PPP2R2B: variants seen among roughly 807,000 people sequenced by gnomAD.
PPP2R2B encodes protein phosphatase 2 regulatory subunit Bbeta.
A neutral mutation model predicts 46.0 loss-of-function variants in PPP2R2B; 5 were observed. That is an observed-to-expected ratio of 0.11 (90% CI 0.06 to 0.23). The LOEUF is 0.23. PPP2R2B is among the 10% of genes least tolerant of loss of function. The probability of loss-of-function intolerance (pLI) is 1.00; values close to 1 mark genes in which losing one functional copy is unlikely to be tolerated. For synonymous variants in PPP2R2B, 215 were observed against 206.7 expected (o/e 1.04, Z -0.34); for missense variants, 367 against 575.0 (o/e 0.64, Z 3.70).
In PPP2R2B at chr5:146,867,821, C is replaced by T. The variant is rs145724948; in HGVS notation, c.70+10181G>A. Among the ~76,000 whole-genome samples, 413 of 152,256 alleles carry T rather than the reference C, an allele frequency of 2.7e-3. 2 individuals carry two copies. The highest frequency in any genetic ancestry group is 9.5e-3 in the African/African-American group (394 of 41,548). On this transcript the variant is annotated intron_variant, in intron 2 of 9. Coordinates refer to ENST00000394411, the MANE Select transcript of PPP2R2B (RefSeq NM_181675.4). ...TATAGGCTTATACTTCACCATATGC[C>T]CCAGAACTTCCTACATAGCACTTGG...
At chr5:146,936,868 T>G (rs988376636) in intron 1 of PPP2R2B, among the ~76,000 whole-genome samples, 2 of 151,918 alleles carry the variant, frequency 1.3e-5, no homozygotes, top group Non-Finnish European at 2.9e-5. Context: ...GCCAGGGTTT[T>G]TTTTTTTTTT....
chr5:146,680,439 A>C (rs1306337518), intron 5 of PPP2R2B, among the ~76,000 whole-genome samples: 1 of 151,698 alleles, frequency 6.6e-6, no homozygotes, highest in African/African-American at 2.4e-5. Context: ...AGATATACCT[A>C]ATGCTAGATG....
At chr5:146,688,465 C>T (rs1424141644) in intron 5 of PPP2R2B, among the ~76,000 whole-genome samples, 1 of 151,828 alleles carries the variant, frequency 6.6e-6, no homozygotes. Context: ...CAGGAATTTA[C>T]ATTTCCCAGT....
chr5:146,989,157 G>A (rs978437760), intron 1 of PPP2R2B, among the ~76,000 whole-genome samples: 1 of 151,980 alleles, frequency 6.6e-6, no homozygotes, highest in Non-Finnish European at 1.5e-5. Context: ...CTTCACTGTT[G>A]AATTCTACCA....
At chr5:146,814,816 C>T (rs193102566) in intron 2 of PPP2R2B, among the ~76,000 whole-genome samples, 42 of 152,296 alleles carry the variant, frequency 2.8e-4, no homozygotes, top group Admixed American at 1.4e-3. Context: ...CATGGAAAAA[C>T]CCCAAGTCAA....
upstream of PPP2R2B, among the ~76,000 whole-genome samples, chr5:147,058,797 C>A (rs2151906602): frequency 6.6e-6 from 1 of 152,276 alleles, no homozygotes; most frequent in South Asian, 2.1e-4. Context: ...CTCTTTGATT[C>A]TCTCAGCAAT....
At chr5:146,620,993 GGCAC>G (rs1156977535) in intron 7 of PPP2R2B, among the ~76,000 whole-genome samples, 2 of 152,236 alleles carry the variant, frequency 1.3e-5, no homozygotes, top group Non-Finnish European at 2.9e-5. Flanking sequence ...GAGAGGCACA[GGCAC>G]AGAAAGGGAG....
rs1181308139 is a variant in PPP2R2B at position 146,584,264 on chromosome 5, G to A, written c.*5683C>T. ...TGCCACCAGCAGTTTAACCAATGGG[G>A]CATGGAATATCTAAATTGGGGGACA... On this transcript the variant is annotated 3_prime_UTR_variant, in exon 10 of 10. Transcript: ENST00000394411. 1 of 152,194 alleles carries A rather than the reference G, an allele frequency of 6.6e-6. No homozygotes were observed. Among genetic ancestry groups the A allele is most frequent in the Non-Finnish European group, 1.5e-5 (1 of 68,040 alleles). The allele number at this position is 152,194 out of a possible 1,614,324, so 9.4% of individuals were successfully genotyped here. A position where few individuals can be genotyped will look rare whatever the true frequency, so the allele number is the denominator to read the frequency against.
intron 5 of PPP2R2B, among the ~76,000 whole-genome samples, chr5:146,684,898 C>A (rs901398602): frequency 1.3e-5 from 2 of 152,084 alleles, no homozygotes; most frequent in African/African-American, 2.4e-5. Flanking sequence ...AGTGACGAGG[C>A]CAGAAATTAT....
intron 2 of PPP2R2B, among the ~76,000 whole-genome samples, chr5:146,767,861 AC>A (rs1754586474): frequency 6.6e-6 from 1 of 152,086 alleles, no homozygotes; most frequent in Admixed American, 6.6e-5. Context: ...TAGTTCCACC[AC>A]CCTAAAAATG....
intron 2 of PPP2R2B, among the ~76,000 whole-genome samples, chr5:146,708,196 A>G (rs1021145545): frequency 6.6e-6 from 1 of 151,980 alleles, no homozygotes; most frequent in Non-Finnish European, 1.5e-5. Flanking sequence ...TTTCTACCAA[A>G]AATAAAAAAA....
intron 1 of PPP2R2B, among the ~76,000 whole-genome samples, chr5:146,944,310 AG>A (rs771184330): frequency 1.3e-5 from 2 of 152,140 alleles, no homozygotes; most frequent in Non-Finnish European, 2.9e-5. Flanking sequence ...CATTAATTGA[AG>A]GGAAGAGATT....
intron 2 of PPP2R2B, among the ~76,000 whole-genome samples, chr5:146,704,358 T>G (rs1425806769): frequency 5.3e-5 from 8 of 152,198 alleles, no homozygotes; most frequent in Admixed American, 5.2e-4. Context: ...GATAATAACG[T>G]CATTTGAAAT....
chr5:146,632,066 C>CG (rs1554116671), intron 7 of PPP2R2B, among the ~76,000 whole-genome samples: 3 of 123,778 alleles, frequency 2.4e-5, no homozygotes, highest in African/African-American at 8.8e-5. Context: ...GTTGTGCCCC[C>CG]CCCCCCGCCC....
intron 1 of PPP2R2B, among the ~76,000 whole-genome samples, chr5:146,936,666 GC>G (rs1473430500): frequency 6.6e-6 from 1 of 151,886 alleles, no homozygotes; most frequent in African/African-American, 2.4e-5. Context: ...CTCTCTCTGA[GC>G]CAAAAAAAGA....
At chr5:146,964,979 T>C (rs1355366684) in intron 1 of PPP2R2B, among the ~76,000 whole-genome samples, 2 of 152,136 alleles carry the variant, frequency 1.3e-5, no homozygotes, top group Admixed American at 1.3e-4. Flanking sequence ...ATACCATTTG[T>C]CTCTAACTTT....
At chr5:146,796,258 T>A (rs1756530106) in intron 2 of PPP2R2B, among the ~76,000 whole-genome samples, 1 of 152,162 alleles carries the variant, frequency 6.6e-6, no homozygotes, top group African/African-American at 2.4e-5. Flanking sequence ...TATGCTCCCA[T>A]ACGTCCAAGT....
intron 1 of PPP2R2B, among the ~76,000 whole-genome samples, chr5:146,888,078 A>T (rs1220271121): frequency 6.6e-6 from 1 of 151,908 alleles, no homozygotes. Flanking sequence ...CTCAGTGTAC[A>T]CTCCTCAGGC....
chr5:147,029,240 A>AT (rs1755668920), intron 1 of PPP2R2B, among the ~76,000 whole-genome samples: 1 of 152,066 alleles, frequency 6.6e-6, no homozygotes, highest in Non-Finnish European at 1.5e-5. Context: ...GGTTGTCAAT[A>AT]TTTTATCTTA....
Sources: allele counts gnomAD v4.1 joint callset (sites outside exome capture counted in the v4.1 genomes callset), GRCh38; gene constraint gnomAD v4.1.1; transcripts MANE v1.5; gene names NCBI Gene and HGNC (gene_info 2026-07-23, HGNC 2026-07-21).